Variants in CRYM observed in about 807,000 individuals in gnomAD.
CRYM encodes crystallin mu.
In CRYM, 18 loss-of-function variants were observed where a neutral mutation model predicts 32.9. The ratio of observed to expected loss-of-function variants is 0.55; its 90% CI spans 0.38 to 0.81. The LOEUF is 0.81. CRYM is among the 30% of genes least tolerant of loss of function. The probability of loss-of-function intolerance (pLI) is 0.00; values close to 1 mark genes in which losing one functional copy is unlikely to be tolerated. For synonymous variants in CRYM, 153 were observed against 152.4 expected (o/e 1.00, Z -0.03); for missense variants, 337 against 393.5 (o/e 0.86, Z 1.21).
At chr16:21,290,358 A>G (rs1008752288) in intron 1 of CRYM, among the ~76,000 whole-genome samples, 1 of 151,950 alleles carries the variant, frequency 6.6e-6, no homozygotes. Context: ...GAGCTGTAAC[A>G]CTCACTACAA....
chr16:21,287,679 G>T (rs1358524777), intron 1 of CRYM, among the ~76,000 whole-genome samples: 2 of 152,178 alleles, frequency 1.3e-5, no homozygotes, highest in Non-Finnish European at 2.9e-5. Flanking sequence ...ACAAACTCTT[G>T]AACAATGAGA....
At chr16:21,285,743 A>C (rs1040122751) in intron 1 of CRYM, among the ~76,000 whole-genome samples, 1 of 152,238 alleles carries the variant, frequency 6.6e-6, no homozygotes, top group Non-Finnish European at 1.5e-5. Context: ...AATTTGGGAG[A>C]AATCCAGTAG....
chr16:21,281,937 C>G (rs1009362455), upstream of CRYM, among the ~76,000 whole-genome samples: 1 of 152,152 alleles, frequency 6.6e-6, no homozygotes, highest in African/African-American at 2.4e-5. Flanking sequence ...TACCCCAACC[C>G]TCCTCCTTCA....
At chr16:21,275,653 A>G in intron 2 of CRYM, 59 bp from the exon 3 acceptor site, 3 of 1,370,288 alleles carry the variant, frequency 2.2e-6, no homozygotes, top group Non-Finnish European at 3.1e-6. Context: ...ATAAATTAGA[A>G]GAAACAGTTC....
chr16:21,292,889 A>G (rs1046803229), intron 1 of CRYM, among the ~76,000 whole-genome samples: 4 of 152,214 alleles, frequency 2.6e-5, no homozygotes, highest in Non-Finnish European at 4.4e-5. Context: ...AAACCTTATT[A>G]TAAAACTACG....
At chr16:21,261,850 T>A (rs1872721563) in intron 6 of CRYM, 187 bp downstream of exon 6, 1 of 630,380 alleles carries the variant, frequency 1.6e-6, no homozygotes, top group African/African-American at 1.8e-5. Context: ...TCACCACCCA[T>A]AATGCCCATA....
upstream of CRYM, among the ~76,000 whole-genome samples, chr16:21,279,545 T>A (rs924009211): frequency 6.6e-6 from 1 of 152,166 alleles, no homozygotes; most frequent in African/African-American, 2.4e-5. Flanking sequence ...AAGATAAAAC[T>A]GAGAACGATT....
chr16:21,299,540 C>T (rs565320941), intron 1 of CRYM, among the ~76,000 whole-genome samples: 1 of 152,274 alleles, frequency 6.6e-6, no homozygotes, highest in South Asian at 2.1e-4. Context: ...AAACTCCTGA[C>T]CTCAGGTGAT....
intron 1 of CRYM, among the ~76,000 whole-genome samples, chr16:21,301,702 C>G (rs1412733780): frequency 6.6e-6 from 1 of 152,246 alleles, no homozygotes; most frequent in Non-Finnish European, 1.5e-5. Flanking sequence ...TGACTCCTAC[C>G]GCTCCGCGCA....
At chr16:21,280,067 A>C (rs1250740076), upstream of CRYM, among the ~76,000 whole-genome samples, 1 of 152,132 alleles carries the variant, frequency 6.6e-6, no homozygotes, top group Admixed American at 6.5e-5. Flanking sequence ...ATTACATCAC[A>C]TTTATTGGGT....
At chr16:21,300,648 G>A (rs183420260) in intron 1 of CRYM, 30 of 152,374 alleles carry the variant, frequency 2.0e-4, no homozygotes, top group East Asian at 1.5e-3. Flanking sequence ...AGTTTGGGGC[G>A]GAGGATGTTC....
At chr16:21,286,895 C>A (rs1395416658) in intron 1 of CRYM, among the ~76,000 whole-genome samples, 2 of 151,962 alleles carry the variant, frequency 1.3e-5, no homozygotes, top group Non-Finnish European at 2.9e-5. Flanking sequence ...TGGAGACCAT[C>A]CTGGCTAACA....
In CRYM at chr16:21,258,812, A is replaced by C; in HGVS notation, c.914T>G (p.Leu305Arg). The C allele has an allele frequency of 1.2e-6, 2 of 1,614,166 alleles. No homozygotes were observed. Among genetic ancestry groups the C allele is most frequent in the Non-Finnish European group, 1.7e-6 (2 of 1,180,018 alleles). The change falls in exon 8 of 8, where the codon CTC (leucine) becomes CGC (arginine). Residue 305 changes from leucine (L) to arginine (R), a missense_variant. Coordinates refer to ENST00000572914, the MANE Select transcript of CRYM (RefSeq NM_001376256.1). ...ACCAGATGACCAGGAATCATAGATGAGTTTGGCTGCAACTGTGTCTTCCAC... is the reference window on the plus strand; with the variant it reads ...ACCAGATGACCAGGAATCATAGATGCGTTTGGCTGCAACTGTGTCTTCCAC... ...MAVEDTVAAK[L>R]IYDSWSSGK
rs1183949429 is a variant in CRYM at position 21,277,047 on chromosome 16, G to A, written c.324+384C>T. Among the ~76,000 whole-genome samples, 3 of 152,186 alleles carry A rather than the reference G, an allele frequency of 2.0e-5. No homozygotes were observed. Among genetic ancestry groups the A allele is most frequent in the African/African-American group, 7.2e-5 (3 of 41,522 alleles). ...CGTATACCCCTCTGAAGACTCCCAGGGATTATAGAACACCCCTTCTTTTCC... is the reference window on the plus strand; with the variant it reads ...CGTATACCCCTCTGAAGACTCCCAGAGATTATAGAACACCCCTTCTTTTCC... On this transcript the variant is annotated intron_variant, in intron 2 of 7. Coordinates refer to ENST00000572914, the MANE Select transcript of CRYM (RefSeq NM_001376256.1). The surrounding 1 kb of genome is among the most constrained non-coding windows in gnomAD (Gnocchi z 4.2).
intron 1 of CRYM, among the ~76,000 whole-genome samples, chr16:21,289,301 A>G (rs192353285): frequency 1.3e-5 from 2 of 152,192 alleles, no homozygotes; most frequent in Non-Finnish European, 2.9e-5. Flanking sequence ...TTCTTCATGA[A>G]TTAACCCATT....
intron 1 of CRYM, among the ~76,000 whole-genome samples, chr16:21,298,001 TACCA>T (rs1268913516): frequency 2.0e-5 from 3 of 152,254 alleles, no homozygotes; most frequent in African/African-American, 4.8e-5. Flanking sequence ...TAAATCTTCT[TACCA>T]ATTGATATAT....
At chr16:21,265,981 T>C (rs867867634) in intron 5 of CRYM, among the ~76,000 whole-genome samples, 1 of 152,192 alleles carries the variant, frequency 6.6e-6, no homozygotes, top group Non-Finnish European at 1.5e-5. Flanking sequence ...CCCAGCACTT[T>C]GGGAGGCTGA....
At chr16:21,297,105 C>G (rs915586613) in intron 1 of CRYM, among the ~76,000 whole-genome samples, 1 of 150,388 alleles carries the variant, frequency 6.6e-6, no homozygotes, top group Admixed American at 6.6e-5. Context: ...GATTAAAAGT[C>G]ACAAAAGGCC....
At chr16:21,261,228 T>C in intron 7 of CRYM, 26 bp downstream of exon 7, 1 of 1,587,964 alleles carries the variant, frequency 6.3e-7, no homozygotes, top group East Asian at 2.2e-5. Context: ...TAGTTGGATT[T>C]GTGCCCAGGG....
Sources: allele counts gnomAD v4.1 joint callset (sites outside exome capture counted in the v4.1 genomes callset), GRCh38; gene constraint gnomAD v4.1.1; non-coding constraint Gnocchi (gnomAD v3.1); transcripts MANE v1.5; gene names NCBI Gene and HGNC (gene_info 2026-07-23, HGNC 2026-07-21).